The following TBC1D9 variants were observed in gnomAD, a reference collection of about 807,000 sequenced individuals.
TBC1D9 encodes the protein TBC1 domain family member 9, also known as TBC1 domain family member 9A.
TBC1D9 carries 63 observed loss-of-function variants against 132.0 expected under a neutral mutation model. The observed-to-expected ratio is 0.48, with a 90% CI of 0.39 to 0.59. The LOEUF is 0.59. Ranked by LOEUF, TBC1D9 falls within the 20% of genes least tolerant of loss-of-function variation. TBC1D9 has a pLI of 0.00. For synonymous variants in TBC1D9, 610 were observed against 609.9 expected, an observed-to-expected ratio of 1.00 and a Z score of 0.00; for missense variants, 1,261 against 1,592.7, an observed-to-expected ratio of 0.79 and a Z score of 3.54.
chr4:140,704,435 GA>G (rs11317574), intron 1 of TBC1D9, among the ~76,000 whole-genome samples: 45,996 of 113,296 alleles, frequency 0.41, 7,687 homozygotes, highest in East Asian at 0.58. Flanking sequence ...CAAAAAATCA[GA>G]AAAAAAAAAA....
chr4:140,643,094 C>T, intron 13 of TBC1D9: 7 of 1,377,014 alleles, frequency 5.1e-6, no homozygotes, highest in Non-Finnish European at 6.0e-6. Context: ...CTTCAGCTCC[C>T]GTGGGAGCCG....
intron 1 of TBC1D9, among the ~76,000 whole-genome samples, chr4:140,728,836 G>A (rs1391456725): frequency 6.6e-6 from 1 of 152,022 alleles, no homozygotes. Flanking sequence ...GCTAATTTTT[G>A]TATTTTTAGT....
At chr4:140,673,142 G>C (rs1737563360) in intron 6 of TBC1D9, among the ~76,000 whole-genome samples, 1 of 150,644 alleles carries the variant, frequency 6.6e-6, no homozygotes, top group Non-Finnish European at 1.5e-5. Flanking sequence ...CTCCAGCTTG[G>C]ATGACTGTGT....
chr4:140,694,525 C>G (rs1020014423), intron 2 of TBC1D9, among the ~76,000 whole-genome samples: 1 of 147,210 alleles, frequency 6.8e-6, no homozygotes. Flanking sequence ...AGGCCGAGAT[C>G]GTGCCACTGC....
intron 1 of TBC1D9, among the ~76,000 whole-genome samples, chr4:140,705,395 G>C (rs567664324): frequency 6.6e-6 from 1 of 152,228 alleles, no homozygotes; most frequent in South Asian, 2.1e-4. Context: ...TCCAGACTGA[G>C]AGTTCCTTGA....
chr4:140,649,108 T>C (rs1057338854), intron 13 of TBC1D9, among the ~76,000 whole-genome samples: 1 of 152,214 alleles, frequency 6.6e-6, no homozygotes, highest in Non-Finnish European at 1.5e-5. Context: ...AGCCCTTCCT[T>C]TCTAAATCCT....
intron 1 of TBC1D9, among the ~76,000 whole-genome samples, chr4:140,752,491 G>A (rs970120277): frequency 3.3e-5 from 5 of 152,130 alleles, no homozygotes; most frequent in Non-Finnish European, 5.9e-5. Context: ...GACAATGATT[G>A]GCTGAGAATC....
chr4:140,752,194 A>T (rs1236607280), intron 1 of TBC1D9, among the ~76,000 whole-genome samples: 1 of 152,232 alleles, frequency 6.6e-6, no homozygotes, highest in East Asian at 1.9e-4. Flanking sequence ...GTTGATAAAG[A>T]GATGAATAAA....
At chr4:140,683,320 A>G (rs540154883) in intron 3 of TBC1D9, among the ~76,000 whole-genome samples, 1 of 152,348 alleles carries the variant, frequency 6.6e-6, no homozygotes, top group African/African-American at 2.4e-5. Context: ...AGTAAGGCTA[A>G]TAGTCTCCAT....
chr4:140,754,443 A>G (rs2111089674), intron 1 of TBC1D9, among the ~76,000 whole-genome samples: 1 of 151,786 alleles, frequency 6.6e-6, no homozygotes, highest in South Asian at 2.1e-4. Flanking sequence ...GTGAAACCCC[A>G]TCTATTAAAA....
intron 6 of TBC1D9, among the ~76,000 whole-genome samples, chr4:140,675,948 G>A (rs1737616819): frequency 6.6e-6 from 1 of 152,148 alleles, no homozygotes; most frequent in Non-Finnish European, 1.5e-5. Context: ...ACCCTTCCCA[G>A]GGCTAGCCAA....
At chr4:140,716,387 AG>A (rs200446330) in intron 1 of TBC1D9, among the ~76,000 whole-genome samples, 2,422 of 152,104 alleles carry the variant, frequency 0.016, 26 homozygotes, top group Admixed American at 0.022. Context: ...GCTACTTGGG[AG>A]GCTGAGGTGA....
chr4:140,633,571 A>T (rs1736830949), intron 16 of TBC1D9, among the ~76,000 whole-genome samples: 1 of 152,180 alleles, frequency 6.6e-6, no homozygotes, highest in Admixed American at 6.5e-5. Context: ...TTACATATAA[A>T]ATTTACTATG....
chr4:140,656,944 C>T (rs1737281248), intron 13 of TBC1D9, among the ~76,000 whole-genome samples, 153 bp downstream of exon 13: 1 of 152,214 alleles, frequency 6.6e-6, no homozygotes, highest in Non-Finnish European at 1.5e-5. Flanking sequence ...CCTGCCAATG[C>T]CTTGATTTGG....
At chr4:140,719,832 G>C (rs1208317759) in intron 1 of TBC1D9, among the ~76,000 whole-genome samples, 1 of 152,192 alleles carries the variant, frequency 6.6e-6, no homozygotes, top group African/African-American at 2.4e-5. Context: ...ACTCATGCAG[G>C]AGACTGTTTT....
chr4:140,736,345 A>G (rs1738672404), intron 1 of TBC1D9, among the ~76,000 whole-genome samples: 1 of 152,128 alleles, frequency 6.6e-6, no homozygotes, highest in Middle Eastern at 3.2e-3. Flanking sequence ...GTTTGAGACC[A>G]GCCTGGCCAA....
rs951421244 is a variant in TBC1D9, at chr4:140,644,793, G to A, written c.2338-5365C>T. 11 of 403,622 alleles carry A rather than the reference G, an allele frequency of 2.7e-5. No homozygotes were observed. In the Admixed American group the frequency reaches 2.9e-4, roughly 11 times the overall value. 25.0% of individuals were successfully genotyped at this position (403,622 alleles called of 1,614,324 possible). Reference sequence around the variant, plus strand: ...ACAGGGCGGGGCAAAGGGGCAGCACGGTGGCCCGCTCCATCAGCTCCGCAA... The same window carrying A: ...ACAGGGCGGGGCAAAGGGGCAGCACAGTGGCCCGCTCCATCAGCTCCGCAA... On this transcript the variant is annotated intron_variant, in intron 13 of 20. Transcript: ENST00000442267.
At chr4:140,712,166 G>A (rs1279887795) in intron 1 of TBC1D9, 1 of 151,710 alleles carries the variant, frequency 6.6e-6, no homozygotes, top group Admixed American at 6.6e-5. Flanking sequence ...ATCTAAATGA[G>A]AGGCTCCCTC....
chr4:140,720,167 T>C (rs1738401360), intron 1 of TBC1D9, among the ~76,000 whole-genome samples: 1 of 152,152 alleles, frequency 6.6e-6, no homozygotes. Context: ...ATGGGATGTG[T>C]GGGGAGCAGT....
Sources: gnomAD v4.1 joint callset for allele counts (sites outside exome capture counted in the v4.1 genomes callset) on GRCh38, gnomAD v4.1.1 for gene constraint, MANE v1.5 for transcripts, NCBI Gene and HGNC (gene_info 2026-07-23, HGNC 2026-07-21) for gene names.